Variants in PKHD1 observed in about 807,000 individuals in gnomAD.
PKHD1 encodes PKHD1 ciliary IPT domain containing fibrocystin/polyductin.
PKHD1 carries 291 observed loss-of-function variants against 412.0 expected under a neutral mutation model. The ratio of observed to expected loss-of-function variants is 0.71; its 90% CI spans 0.64 to 0.78. PKHD1 has a LOEUF of 0.78. Ranked by LOEUF, PKHD1 falls within the 30% of genes least tolerant of loss-of-function variation. PKHD1 has a pLI of 0.00. For missense variants in PKHD1, 4,825 were observed against 4,950.7 expected (o/e 0.97, Z 0.76); for synonymous variants, 1,777 against 1,821.5 (o/e 0.98, Z 0.62).
At chr6:51,667,007 G>A (rs1581942196) in intron 60 of PKHD1, among the ~76,000 whole-genome samples, 1 of 149,018 alleles carries the variant, frequency 6.7e-6, no homozygotes, top group Non-Finnish European at 1.5e-5. Context: ...ATAAACATAC[G>A]TGTGCATGTG....
intron 29 of PKHD1, among the ~76,000 whole-genome samples, chr6:52,028,810 C>T (rs1044271529): frequency 2.0e-5 from 3 of 152,308 alleles, no homozygotes; most frequent in East Asian, 1.9e-4. Flanking sequence ...CCTTGCCTGG[C>T]TTAACAACTC....
At chr6:51,819,081 A>C (rs1429620438) in intron 52 of PKHD1, among the ~76,000 whole-genome samples, 1 of 152,096 alleles carries the variant, frequency 6.6e-6, no homozygotes, top group African/African-American at 2.4e-5. Flanking sequence ...GGACAACAAA[A>C]CTCCCAGAAT....
At chr6:51,696,048 T>C (rs904422142) in intron 60 of PKHD1, among the ~76,000 whole-genome samples, 5 of 152,218 alleles carry the variant, frequency 3.3e-5, no homozygotes, top group Non-Finnish European at 7.3e-5. Context: ...GTCATCTTTA[T>C]TTGAATTGTA....
At chr6:51,763,771 A>G (rs1788443343) in intron 55 of PKHD1, among the ~76,000 whole-genome samples, 1 of 151,936 alleles carries the variant, frequency 6.6e-6, no homozygotes, top group Non-Finnish European at 1.5e-5. Context: ...CCTGACTACA[A>G]TTACACTGTC....
Position 51,632,002 on chromosome 6 carries a change from G to A in PKHD1, c.11665+563C>T, listed in dbSNP as rs554740847. Among the ~76,000 whole-genome samples the A allele has an allele frequency of 3.4e-5, 5 of 148,294 alleles. No homozygotes were observed. The East Asian group carries it at 8.0e-4, about 24-fold the overall frequency. ...GTCACCCAGGCTGGAGTGCAATGGC[G>A]CAATCTCGGCTCACTGCAACCTCCA... On this transcript the variant is annotated intron_variant, in intron 65 of 66. Transcript: ENST00000371117.
chr6:51,974,267 T>C (rs1446750336), intron 35 of PKHD1, among the ~76,000 whole-genome samples: 2 of 152,182 alleles, frequency 1.3e-5, no homozygotes, highest in African/African-American at 4.8e-5. Context: ...CATTTTTTAA[T>C]CAATCACCAT....
intron 35 of PKHD1, among the ~76,000 whole-genome samples, chr6:51,992,894 A>C (rs1797211143): frequency 6.6e-6 from 1 of 152,236 alleles, no homozygotes; most frequent in African/African-American, 2.4e-5. Context: ...TGCTGGTACA[A>C]GGGTCCTGGT....
intron 27 of PKHD1, among the ~76,000 whole-genome samples, chr6:52,036,735 A>G (rs1209777862): frequency 6.6e-6 from 1 of 152,252 alleles, no homozygotes; most frequent in African/African-American, 2.4e-5. Context: ...ACTTCAAAAC[A>G]AAAATTAAGA....
chr6:51,994,753 T>C (rs1445922739), intron 35 of PKHD1, among the ~76,000 whole-genome samples: 1 of 152,116 alleles, frequency 6.6e-6, no homozygotes, highest in East Asian at 1.9e-4. Flanking sequence ...AGCTACTTTT[T>C]TGCATTATTT....
chr6:51,836,566 A>C, intron 50 of PKHD1, 97 bp from the exon 51 acceptor site: 1 of 869,586 alleles, frequency 1.1e-6, no homozygotes, highest in Non-Finnish European at 1.9e-6. Context: ...GCTAAATTCT[A>C]GTTGCCTAAA....
chr6:51,873,962 G>A lies in PKHD1; in HGVS notation c.7351-3323C>T, dbSNP rs75048514. 9.9e-3 allele frequency among the ~76,000 whole-genome samples: 1,507 copies of A among 152,238 alleles called. 26 individuals carry two copies. The highest frequency in any genetic ancestry group is 0.034 in the African/African-American group (1,392 of 41,534). The stretch of plus-strand genomic sequence containing the variant: ...TATGGGAGACATCAGCATGTGGAAG[G>A]TAATTGAAACCACTAGAGAAAATGA... On this transcript the variant is annotated intron_variant, in intron 46 of 66. Transcript: ENST00000371117.
chr6:51,661,080 T>C (rs566109957), intron 60 of PKHD1, among the ~76,000 whole-genome samples: 1 of 152,242 alleles, frequency 6.6e-6, no homozygotes, highest in Admixed American at 6.5e-5. Flanking sequence ...TTCCAAGGGA[T>C]TTAGGAACTG....
chr6:51,652,089 C>T (rs1368713057), intron 61 of PKHD1, among the ~76,000 whole-genome samples: 1 of 152,200 alleles, frequency 6.6e-6, no homozygotes, highest in African/African-American at 2.4e-5. Context: ...GAAGGACCTA[C>T]AGCCAAACTT....
At chr6:52,069,593 G>T in intron 10 of PKHD1, 66 bp from the exon 11 acceptor site, 2 of 1,232,158 alleles carry the variant, frequency 1.6e-6, no homozygotes, top group Non-Finnish European at 2.4e-6. Flanking sequence ...TTTTTAGTCG[G>T]CTGCCTGAAA....
chr6:52,014,886 C>T (rs1008206522), intron 34 of PKHD1, among the ~76,000 whole-genome samples: 1 of 152,102 alleles, frequency 6.6e-6, no homozygotes, highest in Non-Finnish European at 1.5e-5. Context: ...TGCCAAATGA[C>T]ATCAAACCCC....
chr6:51,662,799 A>T (rs932155128), intron 60 of PKHD1, among the ~76,000 whole-genome samples: 1 of 151,456 alleles, frequency 6.6e-6, no homozygotes, highest in African/African-American at 2.4e-5. Flanking sequence ...ACATTTGCCA[A>T]CACATTCAAC....
At chr6:51,771,145 A>G (rs1175312121) in intron 55 of PKHD1, among the ~76,000 whole-genome samples, 2 of 152,044 alleles carry the variant, frequency 1.3e-5, no homozygotes, top group Non-Finnish European at 2.9e-5. Flanking sequence ...AAATGTATGT[A>G]TATTAATATT....
At position 51,619,171 on chromosome 6, in the gene PKHD1, C is replaced by T. The variant is rs773443553; in HGVS notation, c.12135G>A (p.Gly4045=). The change falls in exon 67 of 67, where the codon GGG becomes GGA. Residue 4045 remains glycine (G), a synonymous_variant. Transcript: ENST00000371117. Reference sequence around the variant, plus strand: ...AGGAGGCTTTCTTCTCTTGGGAAAGCCCCAAGCTGCCACTTTGCTTACTCA... The same window carrying T: ...AGGAGGCTTTCTTCTCTTGGGAAAGTCCCAAGCTGCCACTTTGCTTACTCA... The part of the protein sequence containing the change: ...SRLSKQSGSL[G]LSQEKKASCG... The T allele has an allele frequency of 2.5e-6, 4 of 1,614,228 alleles. No individual in the cohort carries two copies. The highest frequency in any genetic ancestry group is 1.3e-5 in the African/African-American group (1 of 75,076).
chr6:51,632,433 T>C (rs958240675), intron 65 of PKHD1, 132 bp downstream of exon 65: 10 of 707,730 alleles, frequency 1.4e-5, no homozygotes, highest in Non-Finnish European at 2.4e-5. Flanking sequence ...AATTTGGCTT[T>C]GTGTAATTTT....
Sources: gnomAD v4.1 joint callset for allele counts (sites outside exome capture counted in the v4.1 genomes callset) on GRCh38, gnomAD v4.1.1 for gene constraint, MANE v1.5 for transcripts, NCBI Gene and HGNC (gene_info 2026-07-23, HGNC 2026-07-21) for gene names.